OPCML: variants seen among roughly 807,000 people sequenced by gnomAD.
OPCML encodes the protein opioid binding protein/cell adhesion molecule like.
A neutral mutation model predicts 37.8 loss-of-function variants in OPCML; 13 were observed. The ratio of observed to expected loss-of-function variants is 0.34; its 90% CI spans 0.22 to 0.55. OPCML has a LOEUF of 0.55. Among genes scored for constraint, OPCML ranks in the 20% least tolerant of loss-of-function variants. The probability of loss-of-function intolerance (pLI) is 0.91; values close to 1 mark genes in which losing one functional copy is unlikely to be tolerated. For missense variants in OPCML, 341 were observed against 435.6 expected (o/e 0.78, Z 1.93); for synonymous variants, 176 against 168.8 (o/e 1.04, Z -0.33).
At chr11:133,505,523 T>C (rs963648361) in intron 1 of OPCML, among the ~76,000 whole-genome samples, 1 of 152,202 alleles carries the variant, frequency 6.6e-6, no homozygotes, top group Non-Finnish European at 1.5e-5. Flanking sequence ...TCACTCCTCC[T>C]GACCCTTCAC....
chr11:132,750,118 T>G (rs1435914323), intron 2 of OPCML, among the ~76,000 whole-genome samples: 2 of 152,158 alleles, frequency 1.3e-5, no homozygotes, highest in Non-Finnish European at 2.9e-5. Context: ...GCAGATCACC[T>G]GAGGTCAGGG....
intron 1 of OPCML, among the ~76,000 whole-genome samples, chr11:133,058,926 G>A (rs1948290783): frequency 6.6e-6 from 1 of 152,224 alleles, no homozygotes; most frequent in African/African-American, 2.4e-5. Flanking sequence ...TTGCCTCACT[G>A]ACCTAGGCTG....
intron 3 of OPCML, among the ~76,000 whole-genome samples, chr11:132,643,561 G>A (rs529501292): frequency 2.0e-5 from 3 of 152,208 alleles, no homozygotes; most frequent in South Asian, 2.1e-4. Context: ...CTTGACTCTC[G>A]ACCTTCCTCT....
chr11:133,193,786 T>C (rs866795997), intron 1 of OPCML, among the ~76,000 whole-genome samples: 3 of 152,310 alleles, frequency 2.0e-5, no homozygotes, highest in Non-Finnish European at 1.5e-5. Context: ...AAAATCGATC[T>C]GGCTCTTTAA....
At chr11:133,377,679 GCTCTAC>G (rs1334093463) in intron 1 of OPCML, among the ~76,000 whole-genome samples, 1 of 149,370 alleles carries the variant, frequency 6.7e-6, no homozygotes, top group African/African-American at 2.5e-5. Flanking sequence ...GCTAATAAGA[GCTCTAC>G]CTCTTCCTTT....
intron 4 of OPCML, among the ~76,000 whole-genome samples, chr11:132,440,847 C>T (rs1039848426): frequency 6.6e-6 from 1 of 152,178 alleles, no homozygotes; most frequent in African/African-American, 2.4e-5. Flanking sequence ...ATCTAGGTTG[C>T]TACTTGCCTG....
At chr11:132,624,406 C>G (rs1939614422) in intron 3 of OPCML, among the ~76,000 whole-genome samples, 1 of 152,174 alleles carries the variant, frequency 6.6e-6, no homozygotes, top group South Asian at 2.1e-4. Context: ...GATTTTGAAG[C>G]CGTTGGCCAC....
intron 2 of OPCML, among the ~76,000 whole-genome samples, chr11:132,758,271 T>A (rs1011262310): frequency 6.6e-6 from 1 of 152,250 alleles, no homozygotes; most frequent in Non-Finnish European, 1.5e-5. Flanking sequence ...TGCTTAGGAT[T>A]GTCTTGGCTG....
Position 133,116,110 on chromosome 11 carries a change from A to G in OPCML, c.62-173100T>C, listed in dbSNP as rs1949329422. On this transcript the variant is annotated intron_variant, in intron 1 of 7. Coordinates refer to ENST00000524381, the MANE Select transcript of OPCML (RefSeq NM_001012393.5). ...CAGCCTCCCAAGTAGCTGGAATTAC[A>G]TGCACCTGCCACCACGCCTGGCTAA... Among the ~76,000 whole-genome samples the G allele has an allele frequency of 3.9e-5, 6 of 152,170 alleles. No individual in the cohort carries two copies. In the South Asian group the frequency reaches 1.0e-3, roughly 26 times the overall value.
intron 2 of OPCML, among the ~76,000 whole-genome samples, chr11:132,701,809 G>A (rs1226719572): frequency 2.3e-4 from 29 of 123,710 alleles, no homozygotes; most frequent in African/African-American, 2.4e-4. Flanking sequence ...GGTGGTGGGC[G>A]TGTGCTTTCC....
chr11:132,808,734 C>T lies in OPCML; in HGVS notation c.146+134192G>A, dbSNP rs1369783178. Among the ~76,000 whole-genome samples the T allele has an allele frequency of 6.6e-5, 10 of 152,110 alleles. No homozygotes were observed. In the South Asian group the frequency reaches 2.1e-3, roughly 32 times the overall value. On this transcript the variant is annotated intron_variant, in intron 2 of 7. Coordinates refer to ENST00000524381, the MANE Select transcript of OPCML (RefSeq NM_001012393.5). Reference sequence around the variant, plus strand: ...CAATTTGGGATTGTACTGAATTTCTCTTGGCAAACTACACAGGATTTCAGA... The same window carrying T: ...CAATTTGGGATTGTACTGAATTTCTTTTGGCAAACTACACAGGATTTCAGA...
In OPCML at chr11:132,660,357, T is replaced by C. The variant is rs370688805; in HGVS notation, c.147-3038A>G. On this transcript the variant is annotated intron_variant, in intron 2 of 7. Coordinates refer to ENST00000524381, the MANE Select transcript of OPCML (RefSeq NM_001012393.5). ...CATAGTAATATAGCTTCAAAGATAA[T>C]TTCAATGATCTCGCAGCTGACAAAT... 3.0e-4 allele frequency among the ~76,000 whole-genome samples: 45 copies of C among 152,356 alleles called. 1 individual carries two copies. Among genetic ancestry groups the C allele is most frequent in the African/African-American group, 9.6e-4 (40 of 41,588 alleles).
intron 2 of OPCML, among the ~76,000 whole-genome samples, chr11:132,888,981 T>C: frequency 6.6e-6 from 1 of 152,250 alleles, no homozygotes; most frequent in East Asian, 1.9e-4. Context: ...TTTACTTCTT[T>C]ATCTGAGAGC....
intron 3 of OPCML, among the ~76,000 whole-genome samples, chr11:132,537,521 G>A (rs968229906): frequency 3.9e-5 from 6 of 152,188 alleles, no homozygotes; most frequent in Non-Finnish European, 7.3e-5. Flanking sequence ...TTGATTAGGT[G>A]ATGAATCCTT....
intron 1 of OPCML, among the ~76,000 whole-genome samples, chr11:133,193,010 T>C (rs1938386953): frequency 6.6e-6 from 1 of 152,032 alleles, no homozygotes; most frequent in Admixed American, 6.6e-5. Flanking sequence ...ACCATAGAAG[T>C]GTTTGCTGGA....
At chr11:132,556,520 G>A (rs922251424) in intron 3 of OPCML, among the ~76,000 whole-genome samples, 1 of 152,098 alleles carries the variant, frequency 6.6e-6, no homozygotes, top group Non-Finnish European at 1.5e-5. Flanking sequence ...CTTTCCAAAG[G>A]TCACACAAAC....
At chr11:132,920,501 T>C (rs1944754167) in intron 2 of OPCML, among the ~76,000 whole-genome samples, 1 of 152,130 alleles carries the variant, frequency 6.6e-6, no homozygotes, top group African/African-American at 2.4e-5. Context: ...CTGGGTGCTG[T>C]CTTGGATCGC....
At chr11:133,477,720 C>T (rs1947275519) in intron 1 of OPCML, among the ~76,000 whole-genome samples, 1 of 152,128 alleles carries the variant, frequency 6.6e-6, no homozygotes, top group African/African-American at 2.4e-5. Context: ...TTGGGAAGAT[C>T]CTTCAAGAGA....
intron 1 of OPCML, among the ~76,000 whole-genome samples, chr11:132,955,387 C>T (rs936050033): frequency 6.6e-6 from 1 of 152,062 alleles, no homozygotes; most frequent in Admixed American, 6.5e-5. Flanking sequence ...GCAGACCAAC[C>T]AACCAATATT....
Sources: allele counts gnomAD v4.1 joint callset (sites outside exome capture counted in the v4.1 genomes callset), GRCh38; gene constraint gnomAD v4.1.1; transcripts MANE v1.5; gene names NCBI Gene and HGNC (gene_info 2026-07-23, HGNC 2026-07-21).